The following VTI1A variants were observed in gnomAD, a reference collection of about 807,000 sequenced individuals.
VTI1A encodes the protein vesicle transport through interaction with t-SNAREs 1A, also known as vesicle transport through interaction with t-SNAREs homolog 1A.
VTI1A carries 22 observed loss-of-function variants against 34.9 expected under a neutral mutation model. The ratio of observed to expected loss-of-function variants is 0.63; its 90% CI spans 0.45 to 0.90. The LOEUF is 0.90. Among genes scored for constraint, VTI1A ranks in the 40% least tolerant of loss-of-function variants. VTI1A has a pLI of 0.00. For missense variants in VTI1A, 268 were observed against 275.6 expected, an observed-to-expected ratio of 0.97 and a Z score of 0.20; for synonymous variants, 87 against 97.3, an observed-to-expected ratio of 0.89 and a Z score of 0.62.
chr10:112,506,930 G>T (rs1849451025), intron 3 of VTI1A, among the ~76,000 whole-genome samples: 1 of 148,256 alleles, frequency 6.7e-6, no homozygotes, highest in Admixed American at 6.7e-5. Flanking sequence ...ATTTAAAGCT[G>T]TATTTTTTTG....
intron 5 of VTI1A, among the ~76,000 whole-genome samples, chr10:112,586,848 G>T (rs1045006252): frequency 1.3e-5 from 2 of 152,126 alleles, no homozygotes; most frequent in African/African-American, 4.8e-5. Context: ...TAGTTTTAGG[G>T]TAACCACTGG....
At chr10:112,583,691 C>G (rs1231025661) in intron 5 of VTI1A, among the ~76,000 whole-genome samples, 1 of 152,068 alleles carries the variant, frequency 6.6e-6, no homozygotes, top group East Asian at 1.9e-4. Flanking sequence ...GGTCAGTTCA[C>G]CAGGCAAGTA....
chr10:112,578,513 C>A (rs1843797917), intron 5 of VTI1A, among the ~76,000 whole-genome samples: 1 of 152,066 alleles, frequency 6.6e-6, no homozygotes, highest in Admixed American at 6.5e-5. Context: ...CCAGTCAAAC[C>A]TCTGGGATTG....
rs1037545506 is a variant in VTI1A at position 112,815,493 on chromosome 10, C to G, written c.*110C>G. The G allele has an allele frequency of 2.2e-6, 2 of 896,162 alleles. No homozygotes were observed. The highest frequency in any genetic ancestry group is 1.8e-6 in the Non-Finnish European group (1 of 550,824). 55.5% of individuals were successfully genotyped at this position (896,162 alleles called of 1,614,324 possible). A position where few individuals can be genotyped will look rare whatever the true frequency, so the allele number is the denominator to read the frequency against. ...GCTGACAGGCCCCAGGTGACCCTCTCTCTCCCTCACCGCCGTTGGGCTGAA... is the reference window on the plus strand; with the variant it reads ...GCTGACAGGCCCCAGGTGACCCTCTGTCTCCCTCACCGCCGTTGGGCTGAA... On this transcript the variant is annotated 3_prime_UTR_variant, in exon 8 of 8. Coordinates refer to ENST00000393077, the MANE Select transcript of VTI1A (RefSeq NM_145206.4).
At chr10:112,545,060 G>A (rs1171745674) in intron 5 of VTI1A, among the ~76,000 whole-genome samples, 4 of 152,186 alleles carry the variant, frequency 2.6e-5, no homozygotes, top group Non-Finnish European at 5.9e-5. Context: ...GACATGTTAG[G>A]AAGTTTATTA....
intron 5 of VTI1A, among the ~76,000 whole-genome samples, chr10:112,552,111 T>TA (rs569497868): frequency 1.6e-4 from 25 of 152,290 alleles, no homozygotes; most frequent in African/African-American, 5.8e-4. Flanking sequence ...ATAACAATGG[T>TA]AACACAGGCG....
chr10:112,527,655 G>C (rs770958306), intron 4 of VTI1A, among the ~76,000 whole-genome samples: 1 of 151,626 alleles, frequency 6.6e-6, no homozygotes, highest in African/African-American at 2.4e-5. Context: ...GGAAGCACCA[G>C]TGTGGAACTT....
chr10:112,620,662 C>T (rs536505162), intron 5 of VTI1A, among the ~76,000 whole-genome samples: 262 of 151,834 alleles, frequency 1.7e-3, no homozygotes, highest in Non-Finnish European at 3.2e-3. Flanking sequence ...TGGTGGTGGG[C>T]GCCTGTAATC....
At chr10:112,780,680 A>G (rs1412408732) in intron 7 of VTI1A, among the ~76,000 whole-genome samples, 1 of 152,150 alleles carries the variant, frequency 6.6e-6, no homozygotes. Flanking sequence ...AGATTAGGAA[A>G]CTAAATATCA....
At chr10:112,560,775 T>G (rs2134329384) in intron 5 of VTI1A, among the ~76,000 whole-genome samples, 1 of 152,094 alleles carries the variant, frequency 6.6e-6, no homozygotes, top group South Asian at 2.1e-4. Flanking sequence ...TTTTGTATTT[T>G]TAGTAGAGAC....
intron 7 of VTI1A, among the ~76,000 whole-genome samples, chr10:112,808,641 A>AG (rs1564933550): frequency 6.6e-6 from 1 of 151,836 alleles, no homozygotes; most frequent in East Asian, 1.9e-4. Context: ...AAAAAAAAAA[A>AG]AAAGAAAGCG....
intron 5 of VTI1A, among the ~76,000 whole-genome samples, chr10:112,647,140 A>G (rs1488544969): frequency 6.6e-6 from 1 of 152,242 alleles, no homozygotes; most frequent in East Asian, 1.9e-4. Context: ...CCCATGGGAT[A>G]AATGAAAGTT....
At chr10:112,473,079 A>G (rs1261419111) in intron 3 of VTI1A, among the ~76,000 whole-genome samples, 1 of 148,952 alleles carries the variant, frequency 6.7e-6, no homozygotes, top group Non-Finnish European at 1.5e-5. Context: ...TTCATTTTAC[A>G]TAACAATGAG....
At chr10:112,478,343 G>A (rs987345016) in intron 3 of VTI1A, among the ~76,000 whole-genome samples, 5 of 152,130 alleles carry the variant, frequency 3.3e-5, no homozygotes, top group Non-Finnish European at 5.9e-5. Flanking sequence ...CCCACCTAAT[G>A]GGAAAATGCG....
At chr10:112,610,339 C>T (rs1258038449) in intron 5 of VTI1A, among the ~76,000 whole-genome samples, 1 of 152,058 alleles carries the variant, frequency 6.6e-6, no homozygotes, top group Non-Finnish European at 1.5e-5. Context: ...AATCAATAAT[C>T]TCTTGAGCCT....
intron 5 of VTI1A, among the ~76,000 whole-genome samples, chr10:112,644,934 G>C (rs1185403441): frequency 6.6e-6 from 1 of 152,186 alleles, no homozygotes; most frequent in Non-Finnish European, 1.5e-5. Flanking sequence ...ACAATTATTT[G>C]ATATTTATTG....
At chr10:112,651,552 G>A (rs558502157) in intron 5 of VTI1A, among the ~76,000 whole-genome samples, 3 of 152,178 alleles carry the variant, frequency 2.0e-5, no homozygotes, top group Non-Finnish European at 2.9e-5. Context: ...CTTGTGATCC[G>A]CCTGCCTCAG....
chr10:112,741,616 C>G (rs1394141600), intron 7 of VTI1A, among the ~76,000 whole-genome samples: 1 of 152,018 alleles, frequency 6.6e-6, no homozygotes, highest in Non-Finnish European at 1.5e-5. Context: ...CTCAATAAAA[C>G]TGTTTACAAA....
intron 7 of VTI1A, among the ~76,000 whole-genome samples, chr10:112,780,985 A>T (rs1041304038): frequency 6.6e-6 from 1 of 152,094 alleles, no homozygotes; most frequent in Non-Finnish European, 1.5e-5. Flanking sequence ...TTTTTGACGA[A>T]GTCTCGCTCT....
Sources: gnomAD v4.1 joint callset for allele counts (sites outside exome capture counted in the v4.1 genomes callset) on GRCh38, gnomAD v4.1.1 for gene constraint, MANE v1.5 for transcripts, NCBI Gene and HGNC (gene_info 2026-07-23, HGNC 2026-07-21) for gene names.